Variants in WDR49 observed in about 807,000 individuals in gnomAD.
WDR49 encodes the protein WD repeat domain 49.
A neutral mutation model predicts 119.5 loss-of-function variants in WDR49; 107 were observed. The ratio of observed to expected loss-of-function variants is 0.90; its 90% CI spans 0.77 to 1.05. WDR49 has a LOEUF of 1.05. Among genes scored for constraint, WDR49 ranks in the 50% least tolerant of loss-of-function variants. WDR49 has a pLI of 0.00. For synonymous variants in WDR49, 425 were observed against 418.8 expected (o/e 1.01, Z -0.18); for missense variants, 1,240 against 1,220.5 (o/e 1.02, Z -0.24).
rs1714171292 is a variant in WDR49 at position 167,575,235 on chromosome 3, C to T, written c.1509+683G>A. 3.0e-6 allele frequency: 3 copies of T among 985,728 alleles called. No individual in the cohort carries two copies. In the South Asian group the frequency reaches 1.4e-4, roughly 46 times the overall value. The allele number at this position is 985,728 out of a possible 1,614,324, so 61.1% of individuals were successfully genotyped here. Reference sequence around the variant, plus strand: ...CCCTTCATGATACCCACAGGCTGCCCCACACTGAGCTCACTGGCTTCACTG... The same window carrying T: ...CCCTTCATGATACCCACAGGCTGCCTCACACTGAGCTCACTGGCTTCACTG... On this transcript the variant is annotated intron_variant, in intron 8 of 18. Coordinates refer to ENST00000682715, the MANE Select transcript of WDR49 (RefSeq NM_001366157.1).
chr3:167,637,535 TG>T (rs1270050425), intron 2 of WDR49, among the ~76,000 whole-genome samples: 1 of 151,644 alleles, frequency 6.6e-6, no homozygotes, highest in Non-Finnish European at 1.5e-5. Flanking sequence ...TGAAGAATAG[TG>T]GTGGTATTTT....
intron 10 of WDR49, among the ~76,000 whole-genome samples, chr3:167,547,947 T>G (rs537356040): frequency 4.6e-5 from 7 of 152,148 alleles, no homozygotes; most frequent in African/African-American, 1.7e-4. Context: ...TTTTGACTCT[T>G]TGGAGTTGAC....
chr3:167,505,408 G>A lies in WDR49; in HGVS notation c.2783C>T (p.Pro928Leu), dbSNP rs765847596. 2 of 1,507,746 alleles carry A rather than the reference G, an allele frequency of 1.3e-6. No homozygotes were observed. The highest frequency in any genetic ancestry group is 1.4e-5 in the South Asian group (1 of 72,470). The allele number at this position is 1,507,746 out of a possible 1,614,324, so 93.4% of individuals were successfully genotyped here. A position where few individuals can be genotyped will look rare whatever the true frequency, so the allele number is the denominator to read the frequency against. The change falls in exon 17 of 19, where the codon CCA (proline) becomes CTA (leucine). Residue 928 changes from proline (P) to leucine (L), a missense_variant. Coordinates refer to ENST00000682715, the MANE Select transcript of WDR49 (RefSeq NM_001366157.1). The part of the protein sequence containing the change: ...NKDDSTYNVR[P>L]SEDINLDIKY... The stretch of plus-strand genomic sequence containing the variant: ...TATATCTAAATTTATATCTTCTGAT[G>A]GTCTGACACTGGAAGAAAATATTTC...
At chr3:167,566,365 T>C (rs959906476) in intron 8 of WDR49, among the ~76,000 whole-genome samples, 2 of 152,114 alleles carry the variant, frequency 1.3e-5, no homozygotes, top group African/African-American at 2.4e-5. Flanking sequence ...ATGCATGCAA[T>C]GAAATACTAT....
chr3:167,486,864 C>T (rs1211839680), intron 18 of WDR49, among the ~76,000 whole-genome samples: 1 of 152,100 alleles, frequency 6.6e-6, no homozygotes, highest in East Asian at 1.9e-4. Context: ...TTAAACTCTA[C>T]ACTTGATCAA....
At chr3:167,500,413 G>C in intron 17 of WDR49, 114 bp from the exon 18 acceptor site, 1 of 1,275,488 alleles carries the variant, frequency 7.8e-7, no homozygotes, top group Non-Finnish European at 1.1e-6. Context: ...TAACCTTCCT[G>C]TTACTCAGCT....
intron 7 of WDR49, among the ~76,000 whole-genome samples, chr3:167,584,102 C>T (rs1412964524): frequency 6.6e-6 from 1 of 151,988 alleles, no homozygotes; most frequent in Non-Finnish European, 1.5e-5. Context: ...TCCAAAATTA[C>T]AAGAGAGTTC....
At position 167,627,046 on chromosome 3, in the gene WDR49, T is replaced by G; in HGVS notation, c.412A>C (p.Lys138Gln). The G allele has an allele frequency of 7.6e-7, 1 of 1,317,398 alleles. No homozygotes were observed. The highest frequency in any genetic ancestry group is 2.5e-5 in the South Asian group (1 of 39,654). The allele number at this position is 1,317,398 out of a possible 1,614,324, so 81.6% of individuals were successfully genotyped here. A position where few individuals can be genotyped will look rare whatever the true frequency, so the allele number is the denominator to read the frequency against. The change falls in exon 3 of 19, where the codon AAA (lysine) becomes CAA (glutamine). Residue 138 changes from lysine (K) to glutamine (Q), a missense_variant. Transcript: ENST00000682715. ...ACTTTTTGAATGGTGTCCTTGTGTT[T>G]TACTGGGAGGAATTCAAGGTCCTTC... ...QWKDLEFLPV[K>Q]HKDTIQKVIF...
At chr3:167,568,097 C>T (rs924961468) in intron 8 of WDR49, among the ~76,000 whole-genome samples, 2 of 152,124 alleles carry the variant, frequency 1.3e-5, no homozygotes, top group African/African-American at 4.8e-5. Flanking sequence ...TAATAAACAT[C>T]CTTTGTGGCG....
chr3:167,644,057 CT>C (rs1202109148), intron 2 of WDR49, among the ~76,000 whole-genome samples: 39,604 of 136,954 alleles, frequency 0.29, 5,725 homozygotes, highest in African/African-American at 0.43. Context: ...CAATCCCCAC[CT>C]TTTTTTTTTT....
intron 8 of WDR49, among the ~76,000 whole-genome samples, chr3:167,574,847 CT>C (rs1442060255): frequency 6.6e-6 from 1 of 152,174 alleles, no homozygotes; most frequent in Non-Finnish European, 1.5e-5. Flanking sequence ...GTCAAATTAA[CT>C]GGTTGCCTTC....
intron 10 of WDR49, among the ~76,000 whole-genome samples, chr3:167,542,032 A>C (rs1711874116): frequency 6.6e-6 from 1 of 152,160 alleles, no homozygotes; most frequent in Admixed American, 6.6e-5. Context: ...TCAAAAAAAA[A>C]AGACAAACAA....
intron 3 of WDR49, among the ~76,000 whole-genome samples, chr3:167,624,151 A>G (rs1717005263): frequency 2.0e-5 from 3 of 152,010 alleles, no homozygotes; most frequent in Admixed American, 2.0e-4. Flanking sequence ...ATTAGCTACT[A>G]GGTAAATATG....
chr3:167,552,709 T>C (rs1178696197), intron 10 of WDR49, among the ~76,000 whole-genome samples: 1 of 152,092 alleles, frequency 6.6e-6, no homozygotes, highest in Non-Finnish European at 1.5e-5. Context: ...CTATAAAATA[T>C]TGCCTACCTT....
At chr3:167,640,097 A>G (rs955075179) in intron 2 of WDR49, among the ~76,000 whole-genome samples, 5 of 151,868 alleles carry the variant, frequency 3.3e-5, no homozygotes, top group African/African-American at 1.2e-4. Flanking sequence ...AACGAAAGAA[A>G]GAGAATGAAA....
intron 3 of WDR49, 62 bp downstream of exon 3, chr3:167,626,790 G>A: frequency 8.4e-7 from 1 of 1,189,866 alleles, no homozygotes. Flanking sequence ...CTAGCCAGGA[G>A]CCCTGCCCCA....
At position 167,568,329 on chromosome 3, in the gene WDR49, A is replaced by C. The variant is rs541797055; in HGVS notation, c.1509+7589T>G. On this transcript the variant is annotated intron_variant, in intron 8 of 18. Coordinates refer to ENST00000682715, the MANE Select transcript of WDR49 (RefSeq NM_001366157.1). Reference sequence around the variant, plus strand: ...GGCATTAAATTCCCCAGCTTTAGATATTTCACCTTTCTTTTGCTTTAAATT... The same window carrying C: ...GGCATTAAATTCCCCAGCTTTAGATCTTTCACCTTTCTTTTGCTTTAAATT... Among the ~76,000 whole-genome samples the C allele has an allele frequency of 2.9e-4, 44 of 152,248 alleles. No homozygotes were observed. In the South Asian group the frequency reaches 9.1e-3, roughly 32 times the overall value.
intron 2 of WDR49, among the ~76,000 whole-genome samples, chr3:167,643,996 G>A (rs1282645634): frequency 6.7e-6 from 1 of 150,310 alleles, no homozygotes; most frequent in Non-Finnish European, 1.5e-5. Context: ...GATCATGTTG[G>A]ACAATGTTCT....
rs1713178978 is a variant in WDR49 at position 167,560,131 on chromosome 3, A to T, written c.1607T>A (p.Ile536Asn). ...ATTTGCATCAAGGGCCATAGTGCTG[A>T]TTTCTGCGTTGCCGTGGCAACCAGT... ...QFTGCHGNAE[I>N]STMALDANET... Residue 536 changes from isoleucine to asparagine, a missense_variant, in exon 9 of 19, where the codon ATC (isoleucine) becomes AAC (asparagine). Physicochemically the swap from Ile to Asn is moderately radical, Grantham distance 149 (BLOSUM62 -3). Coordinates refer to ENST00000682715, the MANE Select transcript of WDR49 (RefSeq NM_001366157.1). The T allele has an allele frequency of 6.2e-7, 1 of 1,614,050 alleles. No homozygotes were observed. Among genetic ancestry groups the T allele is most frequent in the Admixed American group, 1.7e-5 (1 of 59,990 alleles).
Sources: gnomAD v4.1 joint callset for allele counts (sites outside exome capture counted in the v4.1 genomes callset) on GRCh38, gnomAD v4.1.1 for gene constraint, MANE v1.5 for transcripts, NCBI Gene and HGNC (gene_info 2026-07-23, HGNC 2026-07-21) for gene names.